The following GPALPP1 variants were observed in gnomAD, a reference collection of about 807,000 sequenced individuals.
GPALPP1 encodes the protein GPALPP motifs-containing protein 1.
In GPALPP1, 30 loss-of-function variants were observed where a neutral mutation model predicts 38.9. That is an observed-to-expected ratio of 0.77 (90% CI 0.58 to 1.05). GPALPP1 has a LOEUF of 1.05. GPALPP1 is among the 50% of genes least tolerant of loss of function. GPALPP1 has a pLI of 0.00. For missense variants in GPALPP1, 384 were observed against 408.8 expected (o/e 0.94, Z 0.52); for synonymous variants, 120 against 139.2 (o/e 0.86, Z 0.97).
At chr13:45,003,968 GT>G (rs569291289) in intron 1 of GPALPP1, among the ~76,000 whole-genome samples, 1 of 142,254 alleles carries the variant, frequency 7.0e-6, no homozygotes, top group Non-Finnish European at 1.5e-5. Flanking sequence ...TTGTTTTTTT[GT>G]TTTTTTTGGC....
chr13:44,995,508 A>T (rs1287517927), intron 1 of GPALPP1, among the ~76,000 whole-genome samples: 2 of 152,182 alleles, frequency 1.3e-5, no homozygotes, highest in Non-Finnish European at 2.9e-5. Context: ...TTCTAAAAAA[A>T]ATCTTTCAAT....
At chr13:44,991,268 GA>G (rs1443591243) in intron 1 of GPALPP1, among the ~76,000 whole-genome samples, 1 of 151,882 alleles carries the variant, frequency 6.6e-6, no homozygotes, top group African/African-American at 2.4e-5. Context: ...CCAACATGGT[GA>G]AACCCTGTCT....
chr13:45,009,456 C>A (rs1431059609), intron 4 of GPALPP1, among the ~76,000 whole-genome samples: 2 of 152,128 alleles, frequency 1.3e-5, no homozygotes, highest in African/African-American at 4.8e-5. Context: ...ATTTTATCTT[C>A]TCCACGGTTT....
At chr13:45,025,699 C>A (rs1875780859) in intron 7 of GPALPP1, among the ~76,000 whole-genome samples, 2 of 152,044 alleles carry the variant, frequency 1.3e-5, no homozygotes, top group South Asian at 4.1e-4. Flanking sequence ...GCAGCAGGAC[C>A]ATCATTGCAA....
At chr13:45,032,636 C>G (rs1442360514), downstream of GPALPP1, among the ~76,000 whole-genome samples, 1 of 151,110 alleles carries the variant, frequency 6.6e-6, no homozygotes, top group Non-Finnish European at 1.5e-5. Context: ...GAACTCCTGA[C>G]CTCAGGTGAT....
In GPALPP1 at chr13:45,006,249, T is replaced by G; in HGVS notation, c.269T>G (p.Phe90Cys). Residue 90 changes from phenylalanine (F) to cysteine (C), a missense_variant, in exon 3 of 8, where the codon TTT (phenylalanine) becomes TGT (cysteine). Physicochemically the swap from Phe to Cys is radical, Grantham distance 205. Transcript: ENST00000379151. Reference protein sequence around the residue: ...QDDDDDDDDGFFGPALPPGFK... With the variant: ...QDDDDDDDDGCFGPALPPGFK... ...GATGACGATGATGATGATGATGGGTTTTTTGGACCAGCCCTTCCTCCTGGA... is the reference window on the plus strand; with the variant it reads ...GATGACGATGATGATGATGATGGGTGTTTTGGACCAGCCCTTCCTCCTGGA... The G allele has an allele frequency of 6.2e-7, 1 of 1,610,922 alleles. No individual in the cohort carries two copies. Among genetic ancestry groups the G allele is most frequent in the Non-Finnish European group, 8.5e-7 (1 of 1,177,988 alleles).
chr13:44,994,859 TA>T (rs746056542), intron 1 of GPALPP1, among the ~76,000 whole-genome samples: 34 of 151,672 alleles, frequency 2.2e-4, no homozygotes, highest in African/African-American at 6.3e-4. Flanking sequence ...GAGAGCATTT[TA>T]TTTTTTTTTT....
intron 2 of GPALPP1, chr13:45,005,086 CTTTTTTTTTTTTTTTT>C (rs71759613): frequency 1.2e-4 from 7 of 57,532 alleles, no homozygotes; most frequent in South Asian, 1.8e-3. Flanking sequence ...TAATGGTTTT[CTTTTTTTTTTTTTTTT>C]TTTTTTTTTT....
intron 7 of GPALPP1, among the ~76,000 whole-genome samples, chr13:45,027,564 G>A (rs897522038): frequency 6.6e-6 from 1 of 151,326 alleles, no homozygotes; most frequent in African/African-American, 2.4e-5. Flanking sequence ...CCCGTTCTTG[G>A]TTTGTACTCT....
chr13:45,018,460 T>A (rs995419891), intron 6 of GPALPP1, among the ~76,000 whole-genome samples: 5 of 152,092 alleles, frequency 3.3e-5, no homozygotes, highest in African/African-American at 1.2e-4. Context: ...ATTAATTGAA[T>A]GAGATCAGTT....
rs548375986 is a variant in GPALPP1, at chr13:45,011,469, A to G, written c.408+2590A>G. Among the ~76,000 whole-genome samples, 116 of 152,298 alleles carry G rather than the reference A, an allele frequency of 7.6e-4. 1 individual carries two copies. The highest frequency in any genetic ancestry group is 2.8e-3 in the African/African-American group (115 of 41,564). Reference sequence around the variant, plus strand: ...CTGGGGAGGCCTCAGGAAACCTACAATCACGGTGGAAGGGGAAGCAAACAC... The same window carrying G: ...CTGGGGAGGCCTCAGGAAACCTACAGTCACGGTGGAAGGGGAAGCAAACAC... On this transcript the variant is annotated intron_variant, in intron 4 of 7. Transcript: ENST00000379151.
At chr13:44,994,519 C>T (rs1873104268) in intron 1 of GPALPP1, among the ~76,000 whole-genome samples, 1 of 152,098 alleles carries the variant, frequency 6.6e-6, no homozygotes, top group Non-Finnish European at 1.5e-5. Flanking sequence ...CTTCTCTGTT[C>T]CTGCTGCCTA....
rs1876061242 is a variant in GPALPP1 at position 45,029,243 on chromosome 13, A to T, written c.*1240A>T. ...GTTTTCTTATTCTTACCTCAGGGGG[A>T]TTTCCCTGTGCAATGAAGAAAAGTT... On this transcript the variant is annotated 3_prime_UTR_variant, in exon 8 of 8. Transcript: ENST00000379151. 1 of 151,992 alleles carries T rather than the reference A, an allele frequency of 6.6e-6. No homozygotes were observed. Among genetic ancestry groups the T allele is most frequent in the African/African-American group, 2.4e-5 (1 of 41,386 alleles). The allele number at this position is 151,992 out of a possible 1,614,324, so 9.4% of individuals were successfully genotyped here. A position where few individuals can be genotyped will look rare whatever the true frequency, so the allele number is the denominator to read the frequency against.
intron 4 of GPALPP1, among the ~76,000 whole-genome samples, chr13:45,011,780 A>G (rs1593395350): frequency 1.3e-5 from 2 of 152,152 alleles, no homozygotes; most frequent in South Asian, 2.1e-4. Context: ...TGCCTCCACT[A>G]TGGATGCCAT....
Position 45,008,837 on chromosome 13 carries a change from T to G in GPALPP1, c.366T>G (p.Ser122=), listed in dbSNP as rs753513223. The G allele has an allele frequency of 8.4e-5, 134 of 1,601,578 alleles. No homozygotes were observed. The highest frequency in any genetic ancestry group is 1.1e-4 in the Non-Finnish European group (127 of 1,168,794). The change falls in exon 4 of 8, where the codon TCT becomes TCG. Residue 122 remains serine (S), a synonymous_variant. Coordinates refer to ENST00000379151, the MANE Select transcript of GPALPP1 (RefSeq NM_018559.5). ...CATTGCCACCTGGTTTCATTAAATC[T>G]ACACAGAAAAGTGACAAGGGCAGAG... The part of the protein sequence containing the change: ...GPALPPGFIK[S]TQKSDKGRDD...
chr13:45,021,366 A>G (rs1002945934), intron 7 of GPALPP1, among the ~76,000 whole-genome samples: 30 of 152,364 alleles, frequency 2.0e-4, no homozygotes, highest in African/African-American at 6.3e-4. Flanking sequence ...AAACGTAGCC[A>G]CTTGAAGTAT....
intron 1 of GPALPP1, among the ~76,000 whole-genome samples, chr13:44,995,362 T>G (rs1339511580): frequency 6.6e-6 from 1 of 152,156 alleles, no homozygotes; most frequent in Non-Finnish European, 1.5e-5. Flanking sequence ...TAATACTCTA[T>G]TCTCTCTTTT....
rs536776832 is a variant in GPALPP1 at position 45,009,412 on chromosome 13, A to C, written c.408+533A>C. On this transcript the variant is annotated intron_variant, in intron 4 of 7. Coordinates refer to ENST00000379151, the MANE Select transcript of GPALPP1 (RefSeq NM_018559.5). ...AGTTGAGATTTGTAGAGTACTTTAC[A>C]ATTTGTAATGCATTTTCCCTGTATG... 2.6e-5 allele frequency among the ~76,000 whole-genome samples: 4 copies of C among 152,334 alleles called. No individual in the cohort carries two copies. The South Asian group carries it at 8.3e-4, about 32-fold the overall frequency.
At chr13:44,999,266 CA>C (rs1229226829) in intron 1 of GPALPP1, among the ~76,000 whole-genome samples, 1 of 151,962 alleles carries the variant, frequency 6.6e-6, no homozygotes, top group Middle Eastern at 3.2e-3. Flanking sequence ...ATACTGAGTT[CA>C]TTTTTTTATA....
Sources: allele counts gnomAD v4.1 joint callset (sites outside exome capture counted in the v4.1 genomes callset), GRCh38; gene constraint gnomAD v4.1.1; transcripts MANE v1.5; gene names NCBI Gene and HGNC (gene_info 2026-07-23, HGNC 2026-07-21).